Variants in TSPAN13 observed in about 807,000 individuals in gnomAD.
TSPAN13 encodes the protein tetraspanin-13.
A neutral mutation model predicts 26.9 loss-of-function variants in TSPAN13; 18 were observed. The observed-to-expected ratio is 0.67, with a 90% CI of 0.46 to 0.99. TSPAN13 has a LOEUF of 0.99. Among genes scored for constraint, TSPAN13 ranks in the 50% least tolerant of loss-of-function variants. The pLI, the probability that TSPAN13 is intolerant of heterozygous loss-of-function variation, is 0.00. For missense variants in TSPAN13, 201 were observed against 249.6 expected (o/e 0.81, Z 1.31); for synonymous variants, 116 against 98.4 (o/e 1.18, Z -1.06).
chr7:16,783,049 G>A (rs1030128645), intron 5 of TSPAN13, among the ~76,000 whole-genome samples: 4 of 151,948 alleles, frequency 2.6e-5, no homozygotes, highest in East Asian at 1.9e-4. Flanking sequence ...TCCTGCCTCC[G>A]TCATATGTGT....
At chr7:16,780,571 T>C (rs1356537246) in intron 5 of TSPAN13, among the ~76,000 whole-genome samples, 1 of 152,238 alleles carries the variant, frequency 6.6e-6, no homozygotes, top group Non-Finnish European at 1.5e-5. Context: ...TCTTCTTTTG[T>C]TTAAAAACCA....
rs1784448737 is a variant in TSPAN13, at chr7:16,753,802, CG to C, written c.-165del. On this transcript the variant is annotated 5_prime_UTR_variant, in exon 1 of 6. Coordinates refer to ENST00000262067, the MANE Select transcript of TSPAN13 (RefSeq NM_014399.4). ...AGGTTCCAAAGCGGGTCCGAGCCGC[CG>C]CCGCGCGCGCGCCGCGCACTGCAGC... 1 of 600,854 alleles carries C rather than the reference CG, an allele frequency of 1.7e-6. No homozygotes were observed. The highest frequency in any genetic ancestry group is 2.7e-6 in the Non-Finnish European group (1 of 368,742). 37.2% of individuals were successfully genotyped at this position (600,854 alleles called of 1,614,324 possible).
chr7:16,768,601 T>C (rs1784636694), intron 1 of TSPAN13, among the ~76,000 whole-genome samples: 1 of 152,228 alleles, frequency 6.6e-6, no homozygotes, highest in Non-Finnish European at 1.5e-5. Flanking sequence ...TGGAAACTTG[T>C]TTCAAAGAAA....
At chr7:16,756,286 T>G (rs1276035012) in intron 1 of TSPAN13, among the ~76,000 whole-genome samples, 7 of 152,212 alleles carry the variant, frequency 4.6e-5, no homozygotes. Context: ...AAGTCATGAA[T>G]AGAAACATTC....
chr7:16,763,337 T>C (rs1010211889), intron 1 of TSPAN13, among the ~76,000 whole-genome samples: 1 of 152,182 alleles, frequency 6.6e-6, no homozygotes, highest in Non-Finnish European at 1.5e-5. Flanking sequence ...GTATTGAAAG[T>C]TTATGATCAA....
At chr7:16,772,703 T>C (rs1259143722) in intron 1 of TSPAN13, among the ~76,000 whole-genome samples, 1 of 152,178 alleles carries the variant, frequency 6.6e-6, no homozygotes, top group Non-Finnish European at 1.5e-5. Flanking sequence ...CATAAGATAA[T>C]GTTTATCCTT....
chr7:16,754,052 CT>C, intron 1 of TSPAN13, 22 bp downstream of exon 1: 1 of 1,611,618 alleles, frequency 6.2e-7, no homozygotes, highest in Non-Finnish European at 8.5e-7. Flanking sequence ...CAGTCCGTTC[CT>C]GCTCGCTTGG....
At chr7:16,772,738 G>A (rs1037454573) in intron 1 of TSPAN13, among the ~76,000 whole-genome samples, 1 of 152,166 alleles carries the variant, frequency 6.6e-6, no homozygotes, top group Admixed American at 6.5e-5. Context: ...GCTCATGCCT[G>A]TAATCCCAGC....
intron 4 of TSPAN13, 41 bp downstream of exon 4, chr7:16,777,952 C>T: frequency 1.4e-6 from 2 of 1,414,788 alleles, no homozygotes; most frequent in Middle Eastern, 1.8e-4. Flanking sequence ...AAATGTATTA[C>T]AGATAAATAA....
intron 5 of TSPAN13, among the ~76,000 whole-genome samples, chr7:16,781,081 A>G (rs1006293461): frequency 2.0e-5 from 3 of 152,214 alleles, no homozygotes; most frequent in Admixed American, 6.5e-5. Context: ...TGAACTATTT[A>G]TTATACCTTT....
At chr7:16,776,979 CTG>C (rs1376833204) in intron 2 of TSPAN13, 61 bp from the exon 3 acceptor site, 3 of 1,170,612 alleles carry the variant, frequency 2.6e-6, no homozygotes, top group Non-Finnish European at 3.8e-6. Flanking sequence ...GTCAGTACCT[CTG>C]TACCTCTGTT....
Position 16,753,815 on chromosome 7 carries a change from C to CA in TSPAN13, c.-153_-152insA. 1.5e-6 allele frequency: 1 copy of CA among 686,524 alleles called. No homozygotes were observed. The highest frequency in any genetic ancestry group is 1.9e-5 in the African/African-American group (1 of 51,708). 42.5% of individuals were successfully genotyped at this position (686,524 alleles called of 1,614,324 possible). A position where few individuals can be genotyped will look rare whatever the true frequency, so the allele number is the denominator to read the frequency against. On this transcript the variant is annotated 5_prime_UTR_variant, in exon 1 of 6. Coordinates refer to ENST00000262067, the MANE Select transcript of TSPAN13 (RefSeq NM_014399.4). ...GGTCCGAGCCGCCGCCGCGCGCGCGCCGCGCACTGCAGCCCCAGGCCCCGG... is the reference window on the plus strand; with the variant it reads ...GGTCCGAGCCGCCGCCGCGCGCGCGCACGCGCACTGCAGCCCCAGGCCCCGG...
chr7:16,762,097 A>G lies in TSPAN13; in HGVS notation c.63+8067A>G, dbSNP rs999804323. Among the ~76,000 whole-genome samples the G allele has an allele frequency of 2.6e-5, 4 of 152,212 alleles. No homozygotes were observed. In the East Asian group the frequency reaches 5.8e-4, roughly 22 times the overall value. On this transcript the variant is annotated intron_variant, in intron 1 of 5. Coordinates refer to ENST00000262067, the MANE Select transcript of TSPAN13 (RefSeq NM_014399.4). ...AAAAAAAAAGGTAGTTGTTTTCACA[A>G]TATTAAAATCTGTCTTTTCATCTTG...
chr7:16,774,574 T>A (rs1237136199), intron 1 of TSPAN13, among the ~76,000 whole-genome samples: 4 of 152,124 alleles, frequency 2.6e-5, no homozygotes, highest in Non-Finnish European at 1.5e-5. Flanking sequence ...CCAAGACTGT[T>A]TGAAGTTGTG....
At chr7:16,772,102 C>T (rs1784686227) in intron 1 of TSPAN13, among the ~76,000 whole-genome samples, 1 of 152,034 alleles carries the variant, frequency 6.6e-6, no homozygotes, top group Non-Finnish European at 1.5e-5. Context: ...TATTAATGAG[C>T]CTATTAGTTG....
At chr7:16,767,600 A>G (rs527447511) in intron 1 of TSPAN13, among the ~76,000 whole-genome samples, 27 of 152,316 alleles carry the variant, frequency 1.8e-4, no homozygotes, top group Admixed American at 8.5e-4. Flanking sequence ...AGGGATACAT[A>G]TAATTTTCCT....
Position 16,753,838 on chromosome 7 carries a change from C to A in TSPAN13, c.-130C>A. On this transcript the variant is annotated 5_prime_UTR_variant, in exon 1 of 6. Transcript: ENST00000262067. The stretch of plus-strand genomic sequence containing the variant: ...CGCCGCGCACTGCAGCCCCAGGCCC[C>A]GGCCCCCCACCCACGTCTGCGTTGC... 2 of 991,348 alleles carry A rather than the reference C, an allele frequency of 2.0e-6. No homozygotes were observed. The highest frequency in any genetic ancestry group is 1.6e-5 in the African/African-American group (1 of 60,768). The allele number at this position is 991,348 out of a possible 1,614,324, so 61.4% of individuals were successfully genotyped here. A position where few individuals can be genotyped will look rare whatever the true frequency, so the allele number is the denominator to read the frequency against.
chr7:16,783,069 A>G (rs1281424174), intron 5 of TSPAN13, among the ~76,000 whole-genome samples: 1 of 151,798 alleles, frequency 6.6e-6, no homozygotes, highest in Non-Finnish European at 1.5e-5. Context: ...TCCCCCTGTG[A>G]TTATATCATT....
chr7:16,767,520 G>A (rs1047359397), intron 1 of TSPAN13, among the ~76,000 whole-genome samples: 9 of 152,138 alleles, frequency 5.9e-5, no homozygotes, highest in African/African-American at 2.2e-4. Context: ...TAGAATCCTG[G>A]TATATATCTA....
Sources: gnomAD v4.1 joint callset for allele counts (sites outside exome capture counted in the v4.1 genomes callset) on GRCh38, gnomAD v4.1.1 for gene constraint, MANE v1.5 for transcripts, NCBI Gene and HGNC (gene_info 2026-07-23, HGNC 2026-07-21) for gene names.